Variants in DSP observed in about 807,000 individuals in gnomAD.
The protein encoded by DSP is desmoplakin, also known as 250/210 kDa paraneoplastic pemphigus antigen.
Under a neutral mutation model 290.6 loss-of-function variants are expected in DSP, and 114 were observed. That is an observed-to-expected ratio of 0.39 (90% CI 0.34 to 0.46). The LOEUF (loss-of-function observed/expected upper bound fraction) is 0.46. Among genes scored for constraint, DSP ranks in the 20% least tolerant of loss-of-function variants. DSP has a pLI of 0.99. For missense variants in DSP, 3,230 were observed against 3,495.8 expected, an observed-to-expected ratio of 0.92 and a Z score of 1.92; for synonymous variants, 1,311 against 1,316.4, an observed-to-expected ratio of 1.00 and a Z score of 0.09.
Position 7,574,812 on chromosome 6 carries a change from T to A in DSP, c.2436+17T>A. The A allele has an allele frequency of 6.2e-7, 1 of 1,614,126 alleles. No individual in the cohort carries two copies. Among genetic ancestry groups the A allele is most frequent in the Non-Finnish European group, 8.5e-7 (1 of 1,180,006 alleles). ...GGACTGAAGGTAACTTGAAAGCTTA[T>A]AACAGTGGCCCAACTTACAGGAACT... On this transcript the variant is annotated intron_variant, in intron 17 of 23. Transcript: ENST00000379802.
intron 1 of DSP, among the ~76,000 whole-genome samples, chr6:7,542,576 C>T (rs552578531): frequency 6.6e-6 from 1 of 152,330 alleles, no homozygotes; most frequent in South Asian, 2.1e-4. Context: ...CCCCAGTAAC[C>T]CCGAGACCAC....
At chr6:7,570,621 TGC>T in intron 13 of DSP, 58 bp downstream of exon 13, 1 of 1,608,546 alleles carries the variant, frequency 6.2e-7, no homozygotes, top group Non-Finnish European at 8.5e-7. Flanking sequence ...CCCCCCGCAG[TGC>T]CTGTGTCCAA....
rs1363517252 is a variant in DSP, at chr6:7,566,569, T to C, written c.1044+88T>C. 3 of 1,081,694 alleles carry C rather than the reference T, an allele frequency of 2.8e-6. No homozygotes were observed. The Admixed American group carries it at 6.4e-5, about 23-fold the overall frequency. 67.0% of individuals were successfully genotyped at this position (1,081,694 alleles called of 1,614,324 possible). A position where few individuals can be genotyped will look rare whatever the true frequency, so the allele number is the denominator to read the frequency against. ...ACCAAATGAGTAATTCTTATATGAC[T>C]TAAAGCCGTGCCAACTTTATTTTCT... On this transcript the variant is annotated intron_variant, in intron 8 of 23. Coordinates refer to ENST00000379802, the MANE Select transcript of DSP (RefSeq NM_004415.4).
At position 7,562,626 on chromosome 6, in the gene DSP, C is replaced by T. The variant is rs373862318; in HGVS notation, c.598-26C>T. On this transcript the variant is annotated intron_variant, in intron 4 of 23. Transcript: ENST00000379802. Reference sequence around the variant, plus strand: ...GGTGCAAAGGGGCAACAACAAAGGGCGCCTCTCTTTGTCTTTGTGTCGCAG... The same window carrying T: ...GGTGCAAAGGGGCAACAACAAAGGGTGCCTCTCTTTGTCTTTGTGTCGCAG... 1.9e-4 allele frequency: 303 copies of T among 1,613,666 alleles called. 2 individuals are homozygous for T. The Admixed American group carries it at 4.4e-3, about 24-fold the overall frequency.
intron 13 of DSP, among the ~76,000 whole-genome samples, chr6:7,571,177 A>C (rs1417558408): frequency 2.3e-5 from 3 of 129,206 alleles, no homozygotes; most frequent in African/African-American, 8.5e-5. Flanking sequence ...TTCTGTAGGC[A>C]AAAAAAAAAA....
Position 7,583,759 on chromosome 6 carries a change from G to A in DSP, c.6497G>A (p.Arg2166Gln), listed in dbSNP as rs771692503. Residue 2166 changes from arginine (R) to glutamine (Q), a missense_variant, in exon 24 of 24, where the codon CGA becomes CAA. Around this residue, in one of 5 missense-constraint regions of DSP, gnomAD observed 1,714 missense variants for 1,844.5 expected, o/e 0.93. Coordinates refer to ENST00000379802, the MANE Select transcript of DSP (RefSeq NM_004415.4). The surrounding 1 kb of genome is among the most constrained non-coding windows in gnomAD (Gnocchi z 4.0). ...RDLYRSLNDP[R>Q]DSQKNFVDPV... is the part of the protein sequence containing the mutation. ...TTGTATCGATCCCTGAATGATCCCC[G>A]AGATAGTCAGAAAAACTTTGTGGAT... The A allele has an allele frequency of 8.7e-6, 14 of 1,613,946 alleles. No individual in the cohort carries two copies. Among genetic ancestry groups the A allele is most frequent in the African/African-American group, 2.7e-5 (2 of 74,912 alleles).
Position 7,580,224 on chromosome 6 carries a change from AAAATG to A in DSP, c.4037_4041del (p.Asn1346ThrfsTer3), listed in dbSNP as rs1561698362. 1 of 1,614,108 alleles carries A rather than the reference AAAATG, an allele frequency of 6.2e-7. No individual in the cohort carries two copies. The highest frequency in any genetic ancestry group is 8.5e-7 in the Non-Finnish European group (1 of 1,180,034). ...GAGGCCAAGCGCCGCTGGGAATATGAAAATGAACTGAGTAAGGTAAGAAACAATTA... is the reference window on the plus strand; with the variant it reads ...GAGGCCAAGCGCCGCTGGGAATATGAAACTGAGTAAGGTAAGAAACAATTA... On this transcript the variant is annotated frameshift_variant, in exon 23 of 24. Coordinates refer to ENST00000379802, the MANE Select transcript of DSP (RefSeq NM_004415.4). LOFTEE classifies it high-confidence loss of function. The surrounding 1 kb of genome is among the most constrained non-coding windows in gnomAD (Gnocchi z 4.2).
intron 6 of DSP, among the ~76,000 whole-genome samples, 165 bp downstream of exon 6, chr6:7,563,951 T>G (rs550329155): frequency 1.9e-4 from 29 of 152,314 alleles, no homozygotes; most frequent in African/African-American, 6.5e-4. Context: ...AGTTGTTTTC[T>G]TTTCTTTTTT....
In DSP at chr6:7,541,994, C is replaced by T. The variant is rs762198350; in HGVS notation, c.79C>T (p.Arg27Cys). ...MIRAESGPDL[R>C]YEVTSGGGGT... ...CCGCGCCGAGTCTGGCCCGGACCTGCGCTACGAGGTGACCAGCGGCGGCGG... is the reference window on the plus strand; with the variant it reads ...CCGCGCCGAGTCTGGCCCGGACCTGTGCTACGAGGTGACCAGCGGCGGCGG... The change falls in exon 1 of 24, where the codon CGC (arginine) becomes TGC (cysteine). Residue 27 changes from arginine (R) to cysteine (C), a missense_variant. Coordinates refer to ENST00000379802, the MANE Select transcript of DSP (RefSeq NM_004415.4). 2 of 1,599,912 alleles carry T rather than the reference C, an allele frequency of 1.3e-6. No homozygotes were observed. Among genetic ancestry groups the T allele is most frequent in the East Asian group, 2.3e-5 (1 of 44,164 alleles).
Position 7,574,139 on chromosome 6 carries a change from T to C in DSP, c.2184T>C (p.Asp728=), listed in dbSNP as rs750383681. Residue 728 remains aspartate, a synonymous_variant, in exon 16 of 24, where the codon GAT becomes GAC. Coordinates refer to ENST00000379802, the MANE Select transcript of DSP (RefSeq NM_004415.4). ...CTGAGGTTCTCAACCAGCTTAAAGA[T>C]ATGCTTGCCAACTTCAGAGGTTCTG... is the stretch of plus-strand genomic sequence containing the variant. ...AIAEVLNQLK[D]MLANFRGSEK... 1 of 1,614,138 alleles carries C rather than the reference T, an allele frequency of 6.2e-7. No homozygotes were observed. Among genetic ancestry groups the C allele is most frequent in the Non-Finnish European group, 8.5e-7 (1 of 1,179,990 alleles).
rs548754771 is a variant in DSP, at chr6:7,585,739, G to A, written c.8477G>A (p.Arg2826His). 10 of 1,609,744 alleles carry A rather than the reference G, an allele frequency of 6.2e-6. No individual in the cohort carries two copies. Among genetic ancestry groups the A allele is most frequent in the African/African-American group, 2.7e-5 (2 of 74,742 alleles). ...PYNMSSAPGS[R>H]SGSRSGSRSG... is the part of the protein sequence containing the mutation. ...AACATGTCTTCGGCTCCGGGGTCCC[G>A]CTCCGGCTCCCGCTCGGGATCTCGC... Residue 2826 changes from arginine to histidine, a missense_variant, in exon 24 of 24, where the codon CGC (arginine) becomes CAC (histidine). Around this residue, in one of 5 missense-constraint regions of DSP, gnomAD observed 582 missense variants for 555.4 expected, o/e 1.05. Transcript: ENST00000379802.
intron 11 of DSP, among the ~76,000 whole-genome samples, chr6:7,568,957 C>T (rs1758947835): frequency 6.7e-6 from 1 of 150,068 alleles, no homozygotes; most frequent in Admixed American, 6.6e-5. Context: ...CACAGTGAGA[C>T]CAAATAAATA....
At chr6:7,576,157 A>G (rs1581811380) in intron 18 of DSP, 137 bp from the exon 19 acceptor site, 1 of 979,396 alleles carries the variant, frequency 1.0e-6, no homozygotes, top group East Asian at 2.6e-5. Context: ...GCTGCTATGA[A>G]CATTCATGTA....
intron 15 of DSP, among the ~76,000 whole-genome samples, chr6:7,572,527 G>A (rs1759087446): frequency 6.6e-6 from 1 of 152,160 alleles, no homozygotes; most frequent in Non-Finnish European, 1.5e-5. Context: ...GCACTGGAAG[G>A]CCTAAATAGA....
Position 7,585,176 on chromosome 6 carries a change from G to T in DSP, c.7914G>T (p.Glu2638Asp). Residue 2638 changes from glutamate to aspartate, a missense_variant, in exon 24 of 24, where the codon GAG becomes GAT. Physicochemically the swap from Glu to Asp is conservative, Grantham distance 45 (BLOSUM62 2). Around this residue, in one of 5 missense-constraint regions of DSP, gnomAD observed 582 missense variants for 555.4 expected, o/e 1.05. Transcript: ENST00000379802. The part of the protein sequence containing the change: ...LEKISITEGI[E>D]RGIVDSITGQ... ...AAATCTCCATTACAGAAGGTATAGA[G>T]CGGGGCATCGTTGACAGCATCACGG... The T allele has an allele frequency of 6.2e-7, 1 of 1,614,144 alleles. No homozygotes were observed.
intron 15 of DSP, among the ~76,000 whole-genome samples, chr6:7,573,436 G>T (rs749032204): frequency 2.0e-5 from 3 of 152,126 alleles, no homozygotes; most frequent in Non-Finnish European, 4.4e-5. Flanking sequence ...AAATTAGCTG[G>T]GTGTGGTGGC....
chr6:7,568,355 A>G, intron 10 of DSP, 82 bp from the exon 11 acceptor site: 5 of 1,467,548 alleles, frequency 3.4e-6, no homozygotes, highest in South Asian at 1.1e-5. Context: ...TGTGTCATGT[A>G]GCTACATTAA....
intron 1 of DSP, among the ~76,000 whole-genome samples, chr6:7,544,068 G>T (rs1758099256): frequency 6.6e-6 from 1 of 152,140 alleles, no homozygotes; most frequent in Non-Finnish European, 1.5e-5. Context: ...TGACTTTGAG[G>T]AAGGATGTTT....
intron 15 of DSP, among the ~76,000 whole-genome samples, chr6:7,573,512 A>C (rs563519769): frequency 5.9e-5 from 9 of 151,542 alleles, no homozygotes; most frequent in African/African-American, 2.2e-4. Flanking sequence ...CAGGAGATGG[A>C]GGTTGCAGTG....
Sources: allele counts gnomAD v4.1 joint callset (sites outside exome capture counted in the v4.1 genomes callset), GRCh38; gene constraint gnomAD v4.1.1; regional missense constraint gnomAD v4.1.1; non-coding constraint Gnocchi (gnomAD v3.1); transcripts MANE v1.5; gene names NCBI Gene and HGNC (gene_info 2026-07-23, HGNC 2026-07-21).